The following ZC3H12C variants were observed in gnomAD, a reference collection of about 807,000 sequenced individuals.
ZC3H12C encodes the protein probable ribonuclease ZC3H12C.
A neutral mutation model predicts 76.3 loss-of-function variants in ZC3H12C; 20 were observed. The ratio of observed to expected loss-of-function variants is 0.26; its 90% CI spans 0.18 to 0.38. The LOEUF (loss-of-function observed/expected upper bound fraction) is 0.38. Among genes scored for constraint, ZC3H12C ranks in the 10% least tolerant of loss-of-function variants. ZC3H12C has a pLI of 1.00. For synonymous variants in ZC3H12C, 352 were observed against 399.6 expected, an observed-to-expected ratio of 0.88 and a Z score of 1.42; for missense variants, 874 against 1,086.5, an observed-to-expected ratio of 0.80 and a Z score of 2.75.
chr11:110,168,650 G>C lies in ZC3H12C; in HGVS notation c.*2913G>C, dbSNP rs1350339525. On this transcript the variant is annotated 3_prime_UTR_variant, in exon 6 of 6. Coordinates refer to ENST00000278590, the MANE Select transcript of ZC3H12C (RefSeq NM_033390.2). ...TTGACTGTGCTTTACACAGTAACTA[G>C]CCAGTCTGTTGTCTCTGTGTCTTAG... is the stretch of plus-strand genomic sequence containing the variant. 1 of 152,174 alleles carries C rather than the reference G, an allele frequency of 6.6e-6. No individual in the cohort carries two copies. The highest frequency in any genetic ancestry group is 2.4e-5 in the African/African-American group (1 of 41,450). The allele number at this position is 152,174 out of a possible 1,614,324, so 9.4% of individuals were successfully genotyped here. A position where few individuals can be genotyped will look rare whatever the true frequency, so the allele number is the denominator to read the frequency against.
In ZC3H12C at chr11:110,165,788, C is replaced by A; in HGVS notation, c.*51C>A. ...AGTAGTTTTTTGTTCAGCTCAAATG[C>A]TGAGGGAGGTTTGCTACAATAGCAC... On this transcript the variant is annotated 3_prime_UTR_variant, in exon 6 of 6. Transcript: ENST00000278590. The A allele has an allele frequency of 6.7e-7, 1 of 1,493,284 alleles. No homozygotes were observed. The allele number at this position is 1,493,284 out of a possible 1,614,324, so 92.5% of individuals were successfully genotyped here.
chr11:110,153,871 A>G (rs938787227), intron 3 of ZC3H12C, among the ~76,000 whole-genome samples: 1 of 152,248 alleles, frequency 6.6e-6, no homozygotes, highest in African/African-American at 2.4e-5. Flanking sequence ...GTTTCAGGCA[A>G]TGATGTCCTC....
Position 110,164,047 on chromosome 11 carries a change from C to G in ZC3H12C, c.1256-294C>G, listed in dbSNP as rs1358912346. ...CCCGAGAGGCAGAGGTTGCAGTGAG[C>G]TGAGATCACACCACTGCCCTCCACC... On this transcript the variant is annotated intron_variant, in intron 5 of 5. Transcript: ENST00000278590. The surrounding 1 kb of genome is among the most constrained non-coding windows in gnomAD (Gnocchi z 5.7). 1.3e-5 allele frequency among the ~76,000 whole-genome samples: 2 copies of G among 151,596 alleles called. No individual in the cohort carries two copies. The highest frequency in any genetic ancestry group is 3.9e-4 in the East Asian group (2 of 5,178).
intron 4 of ZC3H12C, among the ~76,000 whole-genome samples, chr11:110,160,170 G>GTAT (rs1862454248): frequency 2.6e-5 from 4 of 152,128 alleles, no homozygotes; most frequent in Non-Finnish European, 5.9e-5. Flanking sequence ...GTCTCTGTAG[G>GTAT]GCACTTACCA....
intron 4 of ZC3H12C, 25 bp downstream of exon 4, chr11:110,159,515 A>G (rs1470595416): frequency 6.6e-6 from 10 of 1,508,948 alleles, no homozygotes; most frequent in Non-Finnish European, 8.2e-6. Context: ...TTACTTGCCA[A>G]TGATACTGCT....
chr11:110,137,091 G>GGAA lies in ZC3H12C; in HGVS notation c.452_454dup (p.Glu151dup). 1 of 1,613,804 alleles carries GGAA rather than the reference G, an allele frequency of 6.2e-7. No individual in the cohort carries two copies. Among genetic ancestry groups the GGAA allele is most frequent in the Non-Finnish European group, 8.5e-7 (1 of 1,179,860 alleles). On this transcript the variant is annotated inframe_insertion, in exon 2 of 6. Coordinates refer to ENST00000278590, the MANE Select transcript of ZC3H12C (RefSeq NM_033390.2). ...CTGAAGAGTCCCAGACTACATCCAA[G>GGAA]GAAGCAAAGAAACCACCTGATGTGG...
At chr11:110,108,799 C>T (rs374795142) in intron 1 of ZC3H12C, among the ~76,000 whole-genome samples, 42 of 152,310 alleles carry the variant, frequency 2.8e-4, no homozygotes, top group African/African-American at 8.2e-4. Flanking sequence ...ATTTTTATCC[C>T]TCTAAATCTG....
intron 3 of ZC3H12C, among the ~76,000 whole-genome samples, chr11:110,155,017 G>C (rs970056514): frequency 1.3e-5 from 2 of 152,148 alleles, no homozygotes. Context: ...GCCAGATGCA[G>C]TGGCTCAAGC....
intron 1 of ZC3H12C, among the ~76,000 whole-genome samples, chr11:110,129,523 C>T (rs1468463941): frequency 2.6e-5 from 4 of 152,084 alleles, no homozygotes; most frequent in African/African-American, 9.7e-5. Flanking sequence ...TGTGTAGCTT[C>T]TGTATTTGTG....
intron 1 of ZC3H12C, among the ~76,000 whole-genome samples, chr11:110,097,732 TAC>T (rs1172548039): frequency 1.3e-5 from 2 of 152,198 alleles, no homozygotes; most frequent in Non-Finnish European, 2.9e-5. Context: ...TTAAAACAAA[TAC>T]AGTCATGCAC....
chr11:110,165,794 G>C lies in ZC3H12C; in HGVS notation c.*57G>C. ...TTTTTGTTCAGCTCAAATGCTGAGG[G>C]AGGTTTGCTACAATAGCACATGTGA... On this transcript the variant is annotated 3_prime_UTR_variant, in exon 6 of 6. Transcript: ENST00000278590. The C allele has an allele frequency of 6.8e-7, 1 of 1,470,704 alleles. No homozygotes were observed. The highest frequency in any genetic ancestry group is 2.2e-5 in the Admixed American group (1 of 46,156). The allele number at this position is 1,470,704 out of a possible 1,614,324, so 91.1% of individuals were successfully genotyped here.
chr11:110,124,815 AT>A (rs35847031), intron 1 of ZC3H12C, among the ~76,000 whole-genome samples: 52,297 of 148,738 alleles, frequency 0.35, 9,409 homozygotes, highest in East Asian at 0.65. Context: ...TGCAGCTGAG[AT>A]TTTTTTTTTT....
chr11:110,168,113 A>T lies in ZC3H12C; in HGVS notation c.*2376A>T. 1 of 152,094 alleles carries T rather than the reference A, an allele frequency of 6.6e-6. No homozygotes were observed. The highest frequency in any genetic ancestry group is 6.6e-5 in the Admixed American group (1 of 15,254). 9.4% of individuals were successfully genotyped at this position (152,094 alleles called of 1,614,324 possible). On this transcript the variant is annotated 3_prime_UTR_variant, in exon 6 of 6. Transcript: ENST00000278590. ...TTATTTAAATGAGATCTTAGGTGAGATGTGTGTGACACTTTGAATTTGACC... is the reference window on the plus strand; with the variant it reads ...TTATTTAAATGAGATCTTAGGTGAGTTGTGTGTGACACTTTGAATTTGACC...
At chr11:110,147,266 G>C (rs1237915820) in intron 2 of ZC3H12C, among the ~76,000 whole-genome samples, 1 of 152,136 alleles carries the variant, frequency 6.6e-6, no homozygotes, top group Non-Finnish European at 1.5e-5. Context: ...CTGGGGAAAA[G>C]GTCATATGCA....
intron 1 of ZC3H12C, among the ~76,000 whole-genome samples, chr11:110,133,566 A>T (rs2134173428): frequency 6.6e-6 from 1 of 152,316 alleles, no homozygotes; most frequent in East Asian, 1.9e-4. Flanking sequence ...CTTAGCATTA[A>T]AAAGTCAACC....
intron 1 of ZC3H12C, among the ~76,000 whole-genome samples, chr11:110,130,655 G>A (rs1028603291): frequency 2.0e-5 from 3 of 152,086 alleles, no homozygotes; most frequent in Non-Finnish European, 2.9e-5. Context: ...TCTTTGTTTC[G>A]TGCATTAAAA....
At chr11:110,143,062 C>T (rs1383142067) in intron 2 of ZC3H12C, among the ~76,000 whole-genome samples, 2 of 152,020 alleles carry the variant, frequency 1.3e-5, no homozygotes, top group Non-Finnish European at 2.9e-5. Context: ...GAGACAATAA[C>T]GTTGAGTAGC....
At chr11:110,102,226 C>T (rs887359311) in intron 1 of ZC3H12C, among the ~76,000 whole-genome samples, 7 of 148,992 alleles carry the variant, frequency 4.7e-5, no homozygotes, top group Non-Finnish European at 3.0e-5. Flanking sequence ...GGGCAAAATA[C>T]ACTGAAGACC....
intron 4 of ZC3H12C, among the ~76,000 whole-genome samples, chr11:110,161,960 G>A (rs558434072): frequency 7.0e-4 from 106 of 152,196 alleles, no homozygotes; most frequent in African/African-American, 2.1e-3. Context: ...GCGAAACCCC[G>A]TCTCTACTAA....
Sources: allele counts gnomAD v4.1 joint callset (sites outside exome capture counted in the v4.1 genomes callset), GRCh38; gene constraint gnomAD v4.1.1; non-coding constraint Gnocchi (gnomAD v3.1); transcripts MANE v1.5; gene names NCBI Gene and HGNC (gene_info 2026-07-23, HGNC 2026-07-21).